The following GPC6 variants were observed in gnomAD, a reference collection of about 807,000 sequenced individuals.
The protein encoded by GPC6 is glypican-6.
In GPC6, 14 loss-of-function variants were observed where a neutral mutation model predicts 55.2. The ratio of observed to expected loss-of-function variants is 0.25; its 90% CI spans 0.17 to 0.40. The LOEUF (loss-of-function observed/expected upper bound fraction) is 0.40, where lower values mean the gene tolerates loss of function less well. Among genes scored for constraint, GPC6 ranks in the 10% least tolerant of loss-of-function variants. The pLI is 1.00. For missense variants in GPC6, 641 were observed against 708.5 expected (o/e 0.90, Z 1.08); for synonymous variants, 278 against 259.6 (o/e 1.07, Z -0.68).
At chr13:93,943,066 C>T (rs1339834935) in intron 3 of GPC6, among the ~76,000 whole-genome samples, 3 of 152,110 alleles carry the variant, frequency 2.0e-5, no homozygotes, top group South Asian at 2.1e-4. Context: ...GCAGGCTTTT[C>T]AATAGCACTT....
At chr13:93,487,352 A>G (rs1456671307) in intron 1 of GPC6, among the ~76,000 whole-genome samples, 1 of 152,102 alleles carries the variant, frequency 6.6e-6, no homozygotes, top group Non-Finnish European at 1.5e-5. Context: ...TATTTTTCCT[A>G]ATCTTCTCCC....
chr13:94,043,372 A>G (rs948630661), intron 4 of GPC6, among the ~76,000 whole-genome samples: 3 of 151,894 alleles, frequency 2.0e-5, no homozygotes, highest in African/African-American at 7.2e-5. Context: ...ATTTATGACT[A>G]ACATTGATTT....
At chr13:93,461,597 A>G (rs1878692079) in intron 1 of GPC6, among the ~76,000 whole-genome samples, 1 of 148,770 alleles carries the variant, frequency 6.7e-6, no homozygotes, top group South Asian at 2.2e-4. Flanking sequence ...TTTCTAAATC[A>G]TAGGAAATCT....
At chr13:93,981,560 T>G (rs1880803858) in intron 3 of GPC6, among the ~76,000 whole-genome samples, 1 of 152,214 alleles carries the variant, frequency 6.6e-6, no homozygotes, top group East Asian at 1.9e-4. Flanking sequence ...CCTATCGCTC[T>G]TTGCATAATT....
At chr13:94,010,962 T>A (rs1882221500) in intron 3 of GPC6, among the ~76,000 whole-genome samples, 1 of 152,190 alleles carries the variant, frequency 6.6e-6, no homozygotes, top group South Asian at 2.1e-4. Flanking sequence ...AAGAGCATCA[T>A]ATCTGAAACA....
intron 5 of GPC6, among the ~76,000 whole-genome samples, chr13:94,292,309 C>G (rs1875030588): frequency 6.6e-6 from 1 of 152,112 alleles, no homozygotes; most frequent in South Asian, 2.1e-4. Flanking sequence ...CAATCTCACA[C>G]AAGGGCAAGG....
At chr13:93,827,799 C>G (rs1307949490) in intron 2 of GPC6, among the ~76,000 whole-genome samples, 5 of 152,094 alleles carry the variant, frequency 3.3e-5, no homozygotes, top group African/African-American at 1.2e-4. Flanking sequence ...AAACAAACCA[C>G]AAGACATAGT....
At chr13:93,280,348 G>GT (rs1488080231) in intron 1 of GPC6, among the ~76,000 whole-genome samples, 7 of 151,966 alleles carry the variant, frequency 4.6e-5, no homozygotes, top group Non-Finnish European at 1.0e-4. Flanking sequence ...TTTACCCAAG[G>GT]TTTTTTTTAT....
chr13:94,163,496 T>A (rs1888241834), intron 4 of GPC6, among the ~76,000 whole-genome samples: 1 of 152,356 alleles, frequency 6.6e-6, no homozygotes, highest in Non-Finnish European at 1.5e-5. Flanking sequence ...AAAACATTTT[T>A]AAAAATAATC....
intron 4 of GPC6, among the ~76,000 whole-genome samples, chr13:94,125,699 A>G (rs1426197422): frequency 6.7e-6 from 1 of 148,790 alleles, no homozygotes; most frequent in South Asian, 2.1e-4. Context: ...GTGTTGTCAA[A>G]TTTTAAAGGC....
At chr13:94,371,190 G>A (rs544431136) in intron 6 of GPC6, among the ~76,000 whole-genome samples, 2 of 152,214 alleles carry the variant, frequency 1.3e-5, no homozygotes, top group Non-Finnish European at 2.9e-5. Context: ...TTGAGAAATG[G>A]CGATCCCTGT....
intron 2 of GPC6, among the ~76,000 whole-genome samples, chr13:93,722,721 G>A (rs767397667): frequency 4.6e-5 from 7 of 151,824 alleles, no homozygotes; most frequent in East Asian, 1.9e-4. Flanking sequence ...ATAGCTGCAC[G>A]TCTGAGATCA....
At chr13:93,389,703 CTA>C (rs1875544224) in intron 1 of GPC6, among the ~76,000 whole-genome samples, 2 of 151,396 alleles carry the variant, frequency 1.3e-5, no homozygotes, top group African/African-American at 2.4e-5. Context: ...AGGTAGTTTA[CTA>C]TATCTATTTT....
At chr13:94,086,247 C>CT (rs1285973827) in intron 4 of GPC6, among the ~76,000 whole-genome samples, 1 of 152,146 alleles carries the variant, frequency 6.6e-6, no homozygotes, top group Non-Finnish European at 1.5e-5. Flanking sequence ...TTGTGAAGCA[C>CT]TTTTTTTCAG....
chr13:93,887,227 A>G (rs1566587001), intron 3 of GPC6, among the ~76,000 whole-genome samples: 2 of 152,122 alleles, frequency 1.3e-5, no homozygotes, highest in African/African-American at 4.8e-5. Flanking sequence ...TAACATAGCA[A>G]TAAAATGAGA....
intron 1 of GPC6, among the ~76,000 whole-genome samples, chr13:93,327,327 T>C (rs1376496919): frequency 6.6e-6 from 1 of 152,210 alleles, no homozygotes; most frequent in Non-Finnish European, 1.5e-5. Context: ...GATACCTTTC[T>C]TTACTGTGAC....
chr13:94,393,946 G>A (rs1406585411), intron 7 of GPC6, among the ~76,000 whole-genome samples: 2 of 152,122 alleles, frequency 1.3e-5, no homozygotes, highest in East Asian at 1.9e-4. Context: ...TGAGAATAGC[G>A]GGGGCTGTGG....
At chr13:93,453,696 T>C (rs1878316015) in intron 1 of GPC6, among the ~76,000 whole-genome samples, 2 of 151,560 alleles carry the variant, frequency 1.3e-5, no homozygotes, top group Non-Finnish European at 2.9e-5. Flanking sequence ...GTTACAGCTC[T>C]TAAGGCAGTG....
At chr13:94,312,708 GCACACGCGCACGCACACACACA>G (rs1012276829) in intron 6 of GPC6, among the ~76,000 whole-genome samples, 5 of 125,418 alleles carry the variant, frequency 4.0e-5, no homozygotes, top group Admixed American at 2.2e-4. Flanking sequence ...AGACACACAC[GCACACGCGCACGCACACACACA>G]CACACACACA....
Sources: gnomAD v4.1 joint callset for allele counts (sites outside exome capture counted in the v4.1 genomes callset) on GRCh38, gnomAD v4.1.1 for gene constraint, MANE v1.5 for transcripts, NCBI Gene and HGNC (gene_info 2026-07-23, HGNC 2026-07-21) for gene names.